BLK: variants seen among roughly 807,000 people sequenced by gnomAD.
BLK encodes the protein BLK proto-oncogene, Src family tyrosine kinase.
Under a neutral mutation model 61.8 loss-of-function variants are expected in BLK, and 64 were observed. The observed-to-expected ratio is 1.03, with a 90% CI of 0.85 to 1.27. BLK has a LOEUF of 1.27. BLK is among the 50% of genes most tolerant of loss of function. BLK has a pLI of 0.00. For synonymous variants in BLK, 351 were observed against 272.0 expected, an observed-to-expected ratio of 1.29 and a Z score of -2.86; for missense variants, 853 against 660.5, an observed-to-expected ratio of 1.29 and a Z score of -3.19.
In BLK at chr8:11,555,969, C is replaced by T. The variant is rs867279116; in HGVS notation, c.772+485C>T. On this transcript the variant is annotated intron_variant, in intron 8 of 12. Coordinates refer to ENST00000259089, the MANE Select transcript of BLK (RefSeq NM_001715.3). ...TGCTGACACCTGCCCCCTTCCCCCC[C>T]CCGCCCACCAGGATATAAAACTCGT... The T allele has an allele frequency of 1.7e-4, 50 of 293,796 alleles. 1 individual carries two copies. The East Asian group carries it at 3.2e-3, about 19-fold the overall frequency. 18.2% of individuals were successfully genotyped at this position (293,796 alleles called of 1,614,324 possible).
chr8:11,504,907 G>A (rs778204470), intron 1 of BLK, among the ~76,000 whole-genome samples: 1 of 152,168 alleles, frequency 6.6e-6, no homozygotes, highest in Non-Finnish European at 1.5e-5. Context: ...TTCAGGCAAG[G>A]GGGTAATGGA....
At chr8:11,562,224 G>A (rs1299848150) in intron 11 of BLK, among the ~76,000 whole-genome samples, 3 of 152,198 alleles carry the variant, frequency 2.0e-5, no homozygotes, top group African/African-American at 7.2e-5. Context: ...CTGTATTAGG[G>A]TGTCCACGGA....
chr8:11,537,489 A>G (rs1363012677), intron 1 of BLK, among the ~76,000 whole-genome samples: 1 of 152,162 alleles, frequency 6.6e-6, no homozygotes, highest in Non-Finnish European at 1.5e-5. Flanking sequence ...AAATAGCAAA[A>G]CTATTTTGCC....
intron 1 of BLK, among the ~76,000 whole-genome samples, chr8:11,527,205 A>G (rs1289160119): frequency 6.6e-6 from 1 of 152,194 alleles, no homozygotes; most frequent in Non-Finnish European, 1.5e-5. Flanking sequence ...ACAAAACTCC[A>G]TACCCTTCAA....
intron 1 of BLK, among the ~76,000 whole-genome samples, chr8:11,537,812 A>G (rs1055330754): frequency 6.6e-6 from 1 of 152,124 alleles, no homozygotes; most frequent in Non-Finnish European, 1.5e-5. Flanking sequence ...AGGGGTTTCT[A>G]GTTTCTCTAT....
chr8:11,509,910 T>G (rs774388793), intron 1 of BLK: 2 of 152,208 alleles, frequency 1.3e-5, no homozygotes, highest in Middle Eastern at 3.2e-3. Flanking sequence ...GATTCTTCTC[T>G]TTTCTTTTTC....
In BLK at chr8:11,556,843, GC is replaced by G. The variant is rs751163539; in HGVS notation, c.952+12del. On this transcript the variant is annotated splice_region_variant and intron_variant, in intron 9 of 12. Transcript: ENST00000259089. ...CACCGAGTACATGGCCAGAGGTGGT[GC>G]CCCCCGCAGAGCCGCATCCTCAGAG... The G allele has an allele frequency of 9.7e-5, 157 of 1,613,402 alleles. No homozygotes were observed. Among genetic ancestry groups the G allele is most frequent in the Non-Finnish European group, 1.3e-4 (153 of 1,179,692 alleles).
chr8:11,494,858 G>A (rs1376915305), intron 1 of BLK, among the ~76,000 whole-genome samples: 2 of 152,254 alleles, frequency 1.3e-5, no homozygotes, highest in Non-Finnish European at 2.9e-5. Flanking sequence ...GTGCCACAGA[G>A]GAGAGAAGGG....
At chr8:11,541,640 G>A (rs1222166858) in intron 1 of BLK, among the ~76,000 whole-genome samples, 3 of 152,018 alleles carry the variant, frequency 2.0e-5, no homozygotes, top group African/African-American at 7.3e-5. Context: ...TGGGATTACA[G>A]GCCTGCACCA....
Position 11,550,213 on chromosome 8 carries a change from AATC to A in BLK, c.425_427del (p.Ile142del). 1 of 1,614,140 alleles carries A rather than the reference AATC, an allele frequency of 6.2e-7. No homozygotes were observed. Among genetic ancestry groups the A allele is most frequent in the Non-Finnish European group, 8.5e-7 (1 of 1,180,016 alleles). On this transcript the variant is annotated inframe_deletion, in exon 6 of 13. Coordinates refer to ENST00000259089, the MANE Select transcript of BLK (RefSeq NM_001715.3). Reference sequence around the variant, plus strand: ...AGGCTGAGAGGCAGCTTCTTGCTCCAATCAACAAGGCCGGCTCCTTTCTTATCA... The same window carrying A: ...AGGCTGAGAGGCAGCTTCTTGCTCCAAACAAGGCCGGCTCCTTTCTTATCA...
At chr8:11,551,467 A>G (rs1800901053) in intron 6 of BLK, among the ~76,000 whole-genome samples, 1 of 151,982 alleles carries the variant, frequency 6.6e-6, no homozygotes, top group Non-Finnish European at 1.5e-5. Context: ...TTTTAACTTA[A>G]TCACCCCTTT....
intron 2 of BLK, among the ~76,000 whole-genome samples, chr8:11,545,332 T>C (rs779874121): frequency 2.0e-5 from 3 of 152,220 alleles, no homozygotes; most frequent in South Asian, 4.1e-4. Flanking sequence ...GAGGATCACT[T>C]GAGGCCAGGA....
intron 1 of BLK, among the ~76,000 whole-genome samples, chr8:11,538,333 G>C (rs1243015847): frequency 6.6e-6 from 1 of 152,186 alleles, no homozygotes; most frequent in African/African-American, 2.4e-5. Flanking sequence ...ACTGCTGGGT[G>C]CAGCCCGAGC....
chr8:11,550,402 C>A, intron 6 of BLK, 140 bp downstream of exon 6: 2 of 812,134 alleles, frequency 2.5e-6, no homozygotes, highest in Non-Finnish European at 4.1e-6. Flanking sequence ...CCTCCCAATT[C>A]AGGCCCTGCC....
At chr8:11,526,897 T>C (rs1473055886) in intron 1 of BLK, among the ~76,000 whole-genome samples, 11 of 152,370 alleles carry the variant, frequency 7.2e-5, no homozygotes, top group Middle Eastern at 3.4e-3. Context: ...GAAGGCCATC[T>C]GATACTATGT....
At chr8:11,514,055 T>G (rs932191722) in intron 1 of BLK, among the ~76,000 whole-genome samples, 3 of 152,242 alleles carry the variant, frequency 2.0e-5, no homozygotes, top group African/African-American at 4.8e-5. Context: ...ACACAGGATC[T>G]GCCAAGGGGA....
At chr8:11,526,096 T>G (rs1318973035) in intron 1 of BLK, among the ~76,000 whole-genome samples, 2 of 152,196 alleles carry the variant, frequency 1.3e-5, no homozygotes, top group Admixed American at 6.5e-5. Flanking sequence ...TTAAACATTC[T>G]TTTCATTACA....
intron 1 of BLK, among the ~76,000 whole-genome samples, chr8:11,538,399 A>C (rs1202129255): frequency 2.0e-5 from 3 of 152,220 alleles, no homozygotes; most frequent in Non-Finnish European, 2.9e-5. Context: ...GTCTCCAGTC[A>C]AAGCCACTGG....
At chr8:11,524,051 T>C (rs1563438981) in intron 1 of BLK, among the ~76,000 whole-genome samples, 1 of 152,218 alleles carries the variant, frequency 6.6e-6, no homozygotes, top group African/African-American at 2.4e-5. Flanking sequence ...ATATTTACCT[T>C]ACAACAATGT....
Sources: allele counts gnomAD v4.1 joint callset (sites outside exome capture counted in the v4.1 genomes callset), GRCh38; gene constraint gnomAD v4.1.1; transcripts MANE v1.5; gene names NCBI Gene and HGNC (gene_info 2026-07-23, HGNC 2026-07-21).